The following EXPH5 variants were observed in gnomAD, a reference collection of about 807,000 sequenced individuals.
EXPH5 encodes the protein exophilin 5, also known as exophilin-5.
Under a neutral mutation model 41.1 loss-of-function variants are expected in EXPH5, and 42 were observed. The observed-to-expected ratio is 1.02, with a 90% CI of 0.80 to 1.32. The LOEUF (loss-of-function observed/expected upper bound fraction) is 1.32, where lower values mean the gene tolerates loss of function less well. Among genes scored for constraint, EXPH5 ranks in the 40% most tolerant of loss-of-function variants. EXPH5 has a pLI of 0.00. For synonymous variants in EXPH5, 798 were observed against 833.5 expected, an observed-to-expected ratio of 0.96 and a Z score of 0.73; for missense variants, 2,298 against 2,314.5, an observed-to-expected ratio of 0.99 and a Z score of 0.15.
intron 1 of EXPH5, among the ~76,000 whole-genome samples, chr11:108,570,733 T>C (rs533393967): frequency 6.6e-6 from 1 of 152,124 alleles, no homozygotes; most frequent in South Asian, 2.1e-4. Flanking sequence ...TCTGCAGAGA[T>C]GGGGGTCTCG....
At chr11:108,574,776 G>A (rs1013603771) in intron 1 of EXPH5, among the ~76,000 whole-genome samples, 21 of 152,154 alleles carry the variant, frequency 1.4e-4, no homozygotes, top group Admixed American at 1.3e-4. Context: ...AAATCTGCTC[G>A]AAGGCATCAC....
At chr11:108,600,087 T>C in the EXPH5 span, among the ~76,000 whole-genome samples, 2 of 152,176 alleles carry the variant, frequency 1.3e-5, no homozygotes, top group Admixed American at 1.3e-4. Flanking sequence ...TTCCCTTCTA[T>C]ATTGTATGGA....
chr11:108,581,872 C>A (rs2094099277), intron 1 of EXPH5, among the ~76,000 whole-genome samples: 1 of 152,046 alleles, frequency 6.6e-6, no homozygotes, highest in Admixed American at 6.6e-5. Context: ...TTATAAATAA[C>A]TTTATGCATA....
chr11:108,546,503 C>T (rs1052619162), intron 1 of EXPH5, among the ~76,000 whole-genome samples: 1 of 152,120 alleles, frequency 6.6e-6, no homozygotes, highest in South Asian at 2.1e-4. Context: ...GGTAGAGACA[C>T]ATCAAAGAAG....
At chr11:108,573,928 G>A (rs2094071299) in intron 1 of EXPH5, among the ~76,000 whole-genome samples, 1 of 152,056 alleles carries the variant, frequency 6.6e-6, no homozygotes, top group Non-Finnish European at 1.5e-5. Flanking sequence ...TTGAGACGGA[G>A]TCTCACTCTG....
At chr11:108,517,382 C>G (rs2093733159) in intron 5 of EXPH5, among the ~76,000 whole-genome samples, 1 of 152,156 alleles carries the variant, frequency 6.6e-6, no homozygotes, top group Non-Finnish European at 1.5e-5. Context: ...GAAGAAGGCC[C>G]CTACGTTGAC....
Position 108,510,581 on chromosome 11 carries a change from C to G in EXPH5, c.4926G>C (p.Leu1642=). The G allele has an allele frequency of 6.2e-7, 1 of 1,614,068 alleles. No homozygotes were observed. The highest frequency in any genetic ancestry group is 1.1e-5 in the South Asian group (1 of 91,064). Reference sequence around the variant, plus strand: ...CAGATTTTGGAGTAGGCTCAGGGAACAGTGGGTTGCACTCCACTGTGCCAA... The same window carrying G: ...CAGATTTTGGAGTAGGCTCAGGGAAGAGTGGGTTGCACTCCACTGTGCCAA... ...LSLGTVECNP[L]FPEPTPKSAE... is the part of the protein sequence containing the mutation. Residue 1642 remains leucine (L), a synonymous_variant, in exon 6 of 6, where the codon CTG becomes CTC. Coordinates refer to ENST00000265843, the MANE Select transcript of EXPH5 (RefSeq NM_015065.3).
chr11:108,515,036 GC>G (rs1212225415), intron 5 of EXPH5, among the ~76,000 whole-genome samples, 161 bp from the exon 6 acceptor site: 5 of 151,882 alleles, frequency 3.3e-5, no homozygotes, highest in Non-Finnish European at 5.9e-5. Flanking sequence ...TTTTAAGATA[GC>G]CTGACTTTTA....
At chr11:108,567,544 G>A (rs1350972004) in intron 1 of EXPH5, among the ~76,000 whole-genome samples, 1 of 152,106 alleles carries the variant, frequency 6.6e-6, no homozygotes, top group Non-Finnish European at 1.5e-5. Flanking sequence ...ATTCTTGTTT[G>A]AATTCTCATG....
intron 1 of EXPH5, among the ~76,000 whole-genome samples, chr11:108,569,216 C>T (rs1053366302): frequency 1.3e-5 from 2 of 152,172 alleles, no homozygotes; most frequent in Non-Finnish European, 2.9e-5. Context: ...AGTTCAGGCA[C>T]CACCACCTCC....
chr11:108,528,124 C>T lies in EXPH5; in HGVS notation c.492+12G>A. 1 of 1,586,162 alleles carries T rather than the reference C, an allele frequency of 6.3e-7. No individual in the cohort carries two copies. Among genetic ancestry groups the T allele is most frequent in the Non-Finnish European group, 8.7e-7 (1 of 1,155,136 alleles). ...ATTTCTTAGAGTAACCTGTAGTTAT[C>T]TGGTTACTTACCACAGCAGCTCCCC... On this transcript the variant is annotated intron_variant, in intron 4 of 5. Coordinates refer to ENST00000265843, the MANE Select transcript of EXPH5 (RefSeq NM_015065.3).
Position 108,509,470 on chromosome 11 carries a change from C to G in EXPH5, c.*67G>C. 7.1e-7 allele frequency: 1 copy of G among 1,401,584 alleles called. No individual in the cohort carries two copies. Among genetic ancestry groups the G allele is most frequent in the Non-Finnish European group, 9.6e-7 (1 of 1,038,318 alleles). 86.8% of individuals were successfully genotyped at this position (1,401,584 alleles called of 1,614,324 possible). ...GATCTTTTATCCTTCCATGCACATG[C>G]ACATGTACACCTTAGTTCCATTATA... On this transcript the variant is annotated 3_prime_UTR_variant, in exon 6 of 6. Transcript: ENST00000265843.
At chr11:108,527,091 G>A (rs959188439) in intron 4 of EXPH5, among the ~76,000 whole-genome samples, 1 of 152,080 alleles carries the variant, frequency 6.6e-6, no homozygotes, top group African/African-American at 2.4e-5. Flanking sequence ...AAGCTGAGGC[G>A]GGAGGATCTC....
chr11:108,510,773 G>C lies in EXPH5; in HGVS notation c.4734C>G (p.Asn1578Lys). 3 of 1,614,028 alleles carry C rather than the reference G, an allele frequency of 1.9e-6. No individual in the cohort carries two copies. The highest frequency in any genetic ancestry group is 2.5e-6 in the Non-Finnish European group (3 of 1,180,006). ...SLPEGNKNKT[N>K]LDDLVKGENR... is the part of the protein sequence containing the mutation. The stretch of plus-strand genomic sequence containing the variant: ...TTTCCCCCTTTACTAGGTCATCCAA[G>C]TTGGTTTTATTTTTGTTTCCTTCAG... The change falls in exon 6 of 6, where the codon AAC becomes AAG. Residue 1578 changes from asparagine (N) to lysine (K), a missense_variant. Physicochemically the swap from Asn to Lys is moderately conservative, Grantham distance 94 (BLOSUM62 0). Transcript: ENST00000265843.
chr11:108,577,282 T>C (rs1333718494), intron 1 of EXPH5, among the ~76,000 whole-genome samples: 1 of 152,260 alleles, frequency 6.6e-6, no homozygotes, highest in African/African-American at 2.4e-5. Flanking sequence ...CTGGATCATA[T>C]GGTAGTTCTA....
chr11:108,602,842 A>G, the EXPH5 span, among the ~76,000 whole-genome samples: 1 of 152,248 alleles, frequency 6.6e-6, no homozygotes, highest in Admixed American at 6.5e-5. Context: ...TAAAAATCAT[A>G]TTTAAATAGA....
At chr11:108,601,359 T>G in the EXPH5 span, among the ~76,000 whole-genome samples, 1 of 152,192 alleles carries the variant, frequency 6.6e-6, no homozygotes, top group African/African-American at 2.4e-5. Context: ...TTAATAGTCA[T>G]AGGAGAGAAA....
intron 4 of EXPH5, among the ~76,000 whole-genome samples, chr11:108,527,419 A>G (rs1398145489): frequency 2.0e-5 from 3 of 151,866 alleles, no homozygotes; most frequent in South Asian, 4.2e-4. Context: ...GAGAGAGAGA[A>G]AGAAAAAGGG....
intron 1 of EXPH5, among the ~76,000 whole-genome samples, chr11:108,545,956 G>C (rs2093936470): frequency 6.6e-6 from 1 of 151,860 alleles, no homozygotes; most frequent in Non-Finnish European, 1.5e-5. Flanking sequence ...AAGGGGACCT[G>C]GGCTGAGGCA....
Sources: gnomAD v4.1 joint callset for allele counts (sites outside exome capture counted in the v4.1 genomes callset) on GRCh38, gnomAD v4.1.1 for gene constraint, MANE v1.5 for transcripts, NCBI Gene and HGNC (gene_info 2026-07-23, HGNC 2026-07-21) for gene names.